Variants in IGF1 observed in about 807,000 individuals in gnomAD.
The protein encoded by IGF1 is insulin like growth factor 1, also known as insulin-like growth factor 1.
A neutral mutation model predicts 13.8 loss-of-function variants in IGF1; 4 were observed. The ratio of observed to expected loss-of-function variants is 0.29; its 90% CI spans 0.14 to 0.66. The LOEUF is 0.66. Ranked by LOEUF, IGF1 falls within the 30% of genes least tolerant of loss-of-function variation. IGF1 has a pLI of 0.78. For synonymous variants in IGF1, 76 were observed against 72.6 expected (o/e 1.05, Z -0.23); for missense variants, 124 against 188.5 (o/e 0.66, Z 2.00).
intron 2 of IGF1, among the ~76,000 whole-genome samples, chr12:102,446,515 G>T (rs1407236671): frequency 1.3e-5 from 2 of 152,162 alleles, no homozygotes; most frequent in Non-Finnish European, 2.9e-5. Flanking sequence ...TTGCATAGAG[G>T]TGTTTATAGT....
chr12:102,463,384 T>A (rs1880074466), intron 2 of IGF1: 1 of 152,230 alleles, frequency 6.6e-6, no homozygotes, highest in Admixed American at 6.5e-5. Context: ...GTTAGGAATG[T>A]GTGAAGACAG....
chr12:102,474,836 CT>C (rs2137269371), intron 2 of IGF1, among the ~76,000 whole-genome samples: 1 of 152,302 alleles, frequency 6.6e-6, no homozygotes, highest in African/African-American at 2.4e-5. Flanking sequence ...GAATCATTGA[CT>C]TTTGCTTGTG....
At chr12:102,458,893 A>G (rs1216936801) in intron 2 of IGF1, among the ~76,000 whole-genome samples, 1 of 152,150 alleles carries the variant, frequency 6.6e-6, no homozygotes, top group African/African-American at 2.4e-5. Flanking sequence ...AGGTGGTAAT[A>G]AGTCACATAG....
At position 102,444,363 on chromosome 12, in the gene IGF1, G is replaced by A. The variant is rs553023424; in HGVS notation, c.221-24673C>T. Among the ~76,000 whole-genome samples the A allele has an allele frequency of 1.2e-3, 175 of 151,746 alleles. 1 individual carries two copies. Among genetic ancestry groups the A allele is most frequent in the Non-Finnish European group, 2.0e-3 (135 of 67,960 alleles). ...CAGATTACATCAGTTTGGGATTAAC[G>A]GTAATGATGACACCTTTGTATTGAC... is the stretch of plus-strand genomic sequence containing the variant. On this transcript the variant is annotated intron_variant, in intron 2 of 3. Coordinates refer to ENST00000337514, the MANE Select transcript of IGF1 (RefSeq NM_000618.5).
intron 3 of IGF1, among the ~76,000 whole-genome samples, chr12:102,414,603 T>C (rs954327343): frequency 1.3e-5 from 2 of 152,022 alleles, no homozygotes; most frequent in Non-Finnish European, 2.9e-5. Context: ...TTTGTATTTT[T>C]AGTAGAGATG....
rs1022528516 is a variant in IGF1 at position 102,400,046 on chromosome 12, A to T, written c.*2461T>A. 4 of 152,022 alleles carry T rather than the reference A, an allele frequency of 2.6e-5. No homozygotes were observed. The highest frequency in any genetic ancestry group is 7.2e-5 in the African/African-American group (3 of 41,414). 9.4% of individuals were successfully genotyped at this position (152,022 alleles called of 1,614,324 possible). Reference sequence around the variant, plus strand: ...TCAATTCAAATAATGTTGGACTGAGAGTTAAAATACTTGTTGACTGAACAG... The same window carrying T: ...TCAATTCAAATAATGTTGGACTGAGTGTTAAAATACTTGTTGACTGAACAG... On this transcript the variant is annotated 3_prime_UTR_variant, in exon 4 of 4. Coordinates refer to ENST00000337514, the MANE Select transcript of IGF1 (RefSeq NM_000618.5).
chr12:102,441,921 T>TCTTCTTCTTCCA (rs1877808510), intron 2 of IGF1, among the ~76,000 whole-genome samples: 1 of 117,612 alleles, frequency 8.5e-6, no homozygotes, highest in Non-Finnish European at 1.8e-5. Context: ...TTCTCCTTCT[T>TCTTCTTCTTCCA]CTTCTTCTTC....
At chr12:102,453,632 G>A (rs1188744727) in intron 2 of IGF1, among the ~76,000 whole-genome samples, 1 of 152,210 alleles carries the variant, frequency 6.6e-6, no homozygotes, top group Non-Finnish European at 1.5e-5. Flanking sequence ...TTATGATGAA[G>A]TTGGAAGAGG....
chr12:102,441,915 C>CTTCTTCTTTCTTCTTCTTCTTCTTCCT (rs1555244052), intron 2 of IGF1, among the ~76,000 whole-genome samples: 2 of 122,180 alleles, frequency 1.6e-5, no homozygotes, highest in Non-Finnish European at 3.4e-5. Flanking sequence ...TGCTTCTTCT[C>CTTCTTCTTTCTTCTTCTTCTTCTTCCT]CTTCTTCTTC....
intron 2 of IGF1, among the ~76,000 whole-genome samples, chr12:102,456,867 G>C (rs1879453566): frequency 6.6e-6 from 1 of 152,084 alleles, no homozygotes; most frequent in Non-Finnish European, 1.5e-5. Flanking sequence ...TCAACTTCAG[G>C]ATGTACTCTA....
intron 2 of IGF1, among the ~76,000 whole-genome samples, chr12:102,463,907 C>G (rs1880112561): frequency 1.3e-5 from 2 of 152,168 alleles, no homozygotes; most frequent in South Asian, 4.1e-4. Context: ...TTTTCTGGAC[C>G]TTGGTCCTTT....
chr12:102,410,868 A>C (rs923431094), intron 3 of IGF1, among the ~76,000 whole-genome samples: 1 of 152,232 alleles, frequency 6.6e-6, no homozygotes, highest in Admixed American at 6.5e-5. Flanking sequence ...TGAACAAAAT[A>C]ACACTATGAG....
chr12:102,426,566 A>G (rs1876224349), intron 2 of IGF1, among the ~76,000 whole-genome samples: 1 of 152,230 alleles, frequency 6.6e-6, no homozygotes, highest in Non-Finnish European at 1.5e-5. Flanking sequence ...TTTATGTTGT[A>G]TAGACTGGTC....
intron 2 of IGF1, among the ~76,000 whole-genome samples, chr12:102,434,611 C>T (rs549824497): frequency 1.1e-4 from 16 of 151,314 alleles, no homozygotes; most frequent in Non-Finnish European, 1.5e-4. Flanking sequence ...AATAAACATA[C>T]GTGTGCATGT....
intron 2 of IGF1, among the ~76,000 whole-genome samples, chr12:102,459,559 G>C (rs1461849762): frequency 6.6e-6 from 1 of 152,062 alleles, no homozygotes; most frequent in Non-Finnish European, 1.5e-5. Context: ...GAAGAGTTGG[G>C]TTGATGGTCT....
At chr12:102,446,290 C>A (rs774695116) in intron 2 of IGF1, among the ~76,000 whole-genome samples, 2 of 151,996 alleles carry the variant, frequency 1.3e-5, no homozygotes, top group African/African-American at 2.4e-5. Flanking sequence ...TAGTTTCAGA[C>A]GGAATGGTAC....
chr12:102,410,214 C>G (rs1039105896), intron 3 of IGF1, among the ~76,000 whole-genome samples: 1 of 152,102 alleles, frequency 6.6e-6, no homozygotes, highest in Non-Finnish European at 1.5e-5. Flanking sequence ...AAAAAAAATG[C>G]CAAGGGTAGT....
At chr12:102,414,792 A>G (rs1306984774) in intron 3 of IGF1, among the ~76,000 whole-genome samples, 6 of 152,210 alleles carry the variant, frequency 3.9e-5, no homozygotes, top group Non-Finnish European at 7.4e-5. Flanking sequence ...AGGTTTGCAC[A>G]TTGTAGATGC....
intron 2 of IGF1, among the ~76,000 whole-genome samples, chr12:102,468,494 G>T (rs183945822): frequency 6.6e-6 from 1 of 152,382 alleles, no homozygotes; most frequent in Admixed American, 6.5e-5. Context: ...TTTAGCCAAT[G>T]TGAGACTAAA....
Sources: allele counts gnomAD v4.1 joint callset (sites outside exome capture counted in the v4.1 genomes callset), GRCh38; gene constraint gnomAD v4.1.1; transcripts MANE v1.5; gene names NCBI Gene and HGNC (gene_info 2026-07-23, HGNC 2026-07-21).